BOLL: variants seen among roughly 807,000 people sequenced by gnomAD.
BOLL encodes protein boule-like.
BOLL carries 23 observed loss-of-function variants against 44.4 expected under a neutral mutation model. The observed-to-expected ratio is 0.52, with a 90% CI of 0.37 to 0.73. The LOEUF (loss-of-function observed/expected upper bound fraction) is 0.73. Ranked by LOEUF, BOLL falls within the 30% of genes least tolerant of loss-of-function variation. BOLL has a pLI of 0.00. For missense variants in BOLL, 287 were observed against 338.3 expected (o/e 0.85, Z 1.19); for synonymous variants, 97 against 110.8 (o/e 0.88, Z 0.78).
intron 10 of BOLL, 149 bp from the exon 11 acceptor site, chr2:197,728,727 G>C: frequency 1.8e-6 from 1 of 546,808 alleles, no homozygotes. Context: ...CAAAGTGAGA[G>C]GCTAGCAATT....
intron 7 of BOLL, among the ~76,000 whole-genome samples, chr2:197,762,142 G>A (rs1348571672): frequency 6.6e-6 from 1 of 152,064 alleles, no homozygotes; most frequent in Non-Finnish European, 1.5e-5. Context: ...TCAGGAGTTC[G>A]AGACCGGCCT....
chr2:197,739,849 A>G (rs1297393751), intron 10 of BOLL, among the ~76,000 whole-genome samples: 1 of 152,212 alleles, frequency 6.6e-6, no homozygotes, highest in Non-Finnish European at 1.5e-5. Context: ...TTCAATTTGT[A>G]TAATTGTATA....
chr2:197,760,842 A>G (rs1443249165), intron 7 of BOLL, among the ~76,000 whole-genome samples: 1 of 152,182 alleles, frequency 6.6e-6, no homozygotes, highest in Non-Finnish European at 1.5e-5. Context: ...AAGCAGCAAG[A>G]AAAAAGTATC....
At chr2:197,779,495 A>G (rs1169416012) in intron 2 of BOLL, among the ~76,000 whole-genome samples, 3 of 151,904 alleles carry the variant, frequency 2.0e-5, no homozygotes, top group Non-Finnish European at 2.9e-5. Flanking sequence ...CAGTCATTCT[A>G]TTTTAATCAG....
At chr2:197,759,121 A>C in intron 7 of BOLL, 1 of 791,158 alleles carries the variant, frequency 1.3e-6, no homozygotes, top group Middle Eastern at 2.3e-4. Flanking sequence ...CAAAGAATAA[A>C]CAGCTACAAT....
intron 5 of BOLL, chr2:197,774,664 A>C (rs1689427209): frequency 6.6e-6 from 1 of 151,950 alleles, no homozygotes; most frequent in Non-Finnish European, 1.5e-5. Context: ...CCGTTACTAT[A>C]TGTTCTAGCT....
intron 9 of BOLL, among the ~76,000 whole-genome samples, chr2:197,755,434 A>G (rs1688466885): frequency 6.6e-6 from 1 of 152,240 alleles, no homozygotes; most frequent in South Asian, 2.1e-4. Flanking sequence ...TTATAAAGAT[A>G]TATGCATGTG....
At chr2:197,740,571 C>T (rs1687683843) in intron 10 of BOLL, among the ~76,000 whole-genome samples, 1 of 151,972 alleles carries the variant, frequency 6.6e-6, no homozygotes, top group South Asian at 2.1e-4. Flanking sequence ...AACATGGTTC[C>T]CAAACTGGAA....
chr2:197,749,235 C>T (rs144219913), intron 9 of BOLL, among the ~76,000 whole-genome samples: 116 of 152,302 alleles, frequency 7.6e-4, no homozygotes, highest in African/African-American at 2.6e-3. Flanking sequence ...ATTCACAGGT[C>T]ATCAGCATCA....
chr2:197,747,040 C>CA (rs1688018294), intron 9 of BOLL, among the ~76,000 whole-genome samples: 1 of 151,900 alleles, frequency 6.6e-6, no homozygotes, highest in South Asian at 2.1e-4. Flanking sequence ...TACTGTATAG[C>CA]ATGACTATAG....
intron 10 of BOLL, among the ~76,000 whole-genome samples, chr2:197,741,095 G>A (rs965428838): frequency 1.3e-5 from 2 of 152,068 alleles, no homozygotes; most frequent in Non-Finnish European, 2.9e-5. Context: ...TCACGATATT[G>A]ATTCTTCCTA....
intron 6 of BOLL, among the ~76,000 whole-genome samples, chr2:197,770,707 T>C (rs895657870): frequency 6.6e-6 from 1 of 152,030 alleles, no homozygotes; most frequent in Non-Finnish European, 1.5e-5. Flanking sequence ...AGACACTTCT[T>C]AAAAGAAGAC....
intron 10 of BOLL, among the ~76,000 whole-genome samples, chr2:197,741,054 C>G (rs1203715709): frequency 6.6e-6 from 1 of 152,056 alleles, no homozygotes; most frequent in Non-Finnish European, 1.5e-5. Context: ...GGCATTGAAT[C>G]TATAAATTAC....
At chr2:197,728,638 A>G in intron 10 of BOLL, 60 bp from the exon 11 acceptor site, 1 of 1,147,462 alleles carries the variant, frequency 8.7e-7, no homozygotes, top group East Asian at 2.3e-5. Flanking sequence ...AAGATAAGTT[A>G]GAACAGATGA....
chr2:197,759,349 C>T (rs1316062161), intron 7 of BOLL, among the ~76,000 whole-genome samples: 1 of 152,114 alleles, frequency 6.6e-6, no homozygotes, highest in East Asian at 1.9e-4. Flanking sequence ...CTGCAAACAG[C>T]CACACTCCTT....
intron 4 of BOLL, among the ~76,000 whole-genome samples, chr2:197,776,472 A>G (rs1011601910): frequency 1.3e-5 from 2 of 151,936 alleles, no homozygotes; most frequent in Non-Finnish European, 2.9e-5. Context: ...TCTTGGGAAC[A>G]TTACCTTGTA....
chr2:197,758,538 A>C (rs1559406262), intron 7 of BOLL, among the ~76,000 whole-genome samples: 1 of 152,214 alleles, frequency 6.6e-6, no homozygotes, highest in Non-Finnish European at 1.5e-5. Context: ...CAACTCATCT[A>C]CTGTAGCACA....
chr2:197,757,358 G>T lies in BOLL; in HGVS notation c.595C>A (p.Pro199Thr), dbSNP rs1688563014. 1 of 1,608,396 alleles carries T rather than the reference G, an allele frequency of 6.2e-7. No individual in the cohort carries two copies. The highest frequency in any genetic ancestry group is 1.7e-5 in the Admixed American group (1 of 59,670). ...YLPGQWQWSVPQPSASSAPFL... is the reference protein window; with the variant it reads ...YLPGQWQWSVTQPSASSAPFL... ...TATTGAAAGTTAACATTTACCTGAG[G>T]AACACTCCACTGCCACTGTCCTGGT... The change falls in exon 8 of 11, where the codon CCT becomes ACT. Residue 199 changes from proline (P) to threonine (T), a missense_variant. Pro to Thr is a conservative substitution (Grantham distance 38). Transcript: ENST00000392296.
chr2:197,745,432 C>A (rs376981837), intron 9 of BOLL, among the ~76,000 whole-genome samples: 30 of 152,048 alleles, frequency 2.0e-4, no homozygotes, highest in East Asian at 9.7e-4. Context: ...AAATACCACA[C>A]AAAGTACAAG....
Sources: allele counts gnomAD v4.1 joint callset (sites outside exome capture counted in the v4.1 genomes callset), GRCh38; gene constraint gnomAD v4.1.1; transcripts MANE v1.5; gene names NCBI Gene and HGNC (gene_info 2026-07-23, HGNC 2026-07-21).